The following TRAF1 variants were observed in gnomAD, a reference collection of about 807,000 sequenced individuals.
The protein encoded by TRAF1 is TNF receptor associated factor 1, also known as TNF receptor-associated factor 1.
Under a neutral mutation model 40.9 loss-of-function variants are expected in TRAF1, and 23 were observed. The ratio of observed to expected loss-of-function variants is 0.56; its 90% CI spans 0.40 to 0.80. TRAF1 has a LOEUF of 0.80. Ranked by LOEUF, TRAF1 falls within the 30% of genes least tolerant of loss-of-function variation. The pLI, the probability that TRAF1 is intolerant of heterozygous loss-of-function variation, is 0.00. For missense variants in TRAF1, 477 were observed against 528.7 expected, an observed-to-expected ratio of 0.90 and a Z score of 0.96; for synonymous variants, 206 against 218.8, an observed-to-expected ratio of 0.94 and a Z score of 0.52.
rs911835336 is a variant in TRAF1, at chr9:120,923,700, C to T, written c.228+5G>A. 4 of 1,614,042 alleles carry T rather than the reference C, an allele frequency of 2.5e-6. No homozygotes were observed. The highest frequency in any genetic ancestry group is 2.5e-6 in the Non-Finnish European group (3 of 1,179,936). The stretch of plus-strand genomic sequence containing the variant: ...CAAATGCCTTTCTGTGATGTGCCAA[C>T]GTACCTTCTCCTGAGTTCGAAGACG... On this transcript the variant is annotated splice_donor_5th_base_variant and intron_variant, in intron 3 of 7. Transcript: ENST00000373887.
chr9:120,909,233 G>C lies in TRAF1; in HGVS notation c.1029C>G (p.Asn343Lys). 1.9e-6 allele frequency: 3 copies of C among 1,613,720 alleles called. No homozygotes were observed. Among genetic ancestry groups the C allele is most frequent in the South Asian group, 2.2e-5 (2 of 91,064 alleles). ...CCCATCACCTTCACACCCATACCTT[G>C]TTCCGGAAGGGCCACGGCAGCAGCG... The part of the protein sequence containing the change: ...YDALLPWPFR[N>K]KVTFMLLDQN... Residue 343 changes from asparagine to lysine, a missense_variant, in exon 7 of 8, where the codon AAC (asparagine) becomes AAG (lysine). Asn to Lys is a moderately conservative substitution (Grantham distance 94, BLOSUM62 0). Transcript: ENST00000373887.
intron 3 of TRAF1, among the ~76,000 whole-genome samples, chr9:120,916,095 T>C (rs192026501): frequency 5.3e-5 from 8 of 152,358 alleles, no homozygotes; most frequent in African/African-American, 1.7e-4. Flanking sequence ...CAAATTGGTC[T>C]ATATATACTA....
chr9:120,906,237 T>C (rs992689144), intron 7 of TRAF1, among the ~76,000 whole-genome samples: 1 of 146,758 alleles, frequency 6.8e-6, no homozygotes, highest in South Asian at 2.1e-4. Context: ...TGGAGTGCAA[T>C]GGCACAATCT....
intron 7 of TRAF1, among the ~76,000 whole-genome samples, chr9:120,906,180 T>G (rs1367347427): frequency 9.3e-6 from 1 of 107,090 alleles, no homozygotes; most frequent in Non-Finnish European, 2.2e-5. Context: ...TGTGTTTTTT[T>G]TTTTTTTTTT....
In TRAF1 at chr9:120,925,944, C is replaced by T; in HGVS notation, c.132G>A (p.Glu44=). ...CTCCTCCATCACCTCACCTCGGGTT[C>T]TCAGAGAGACAGCCTGCACAGCAGA... ...RALCCAGCLS[E]NPRNGEDQIC... Residue 44 remains glutamate (E), a synonymous_variant, in exon 2 of 8, where the codon GAG becomes GAA. Coordinates refer to ENST00000373887, the MANE Select transcript of TRAF1 (RefSeq NM_005658.5). 1 of 1,613,992 alleles carries T rather than the reference C, an allele frequency of 6.2e-7. No individual in the cohort carries two copies.
intron 2 of TRAF1, among the ~76,000 whole-genome samples, chr9:120,924,252 A>C (rs1309505240): frequency 2.6e-5 from 4 of 152,116 alleles, no homozygotes; most frequent in Non-Finnish European, 5.9e-5. Context: ...TTGGTCCTCC[A>C]TTTGGTTTTG....
At chr9:120,920,636 G>T (rs185002547) in intron 3 of TRAF1, among the ~76,000 whole-genome samples, 1 of 152,176 alleles carries the variant, frequency 6.6e-6, no homozygotes, top group African/African-American at 2.4e-5. Flanking sequence ...GGAAGATCAC[G>T]CCAGGCAAGT....
chr9:120,920,083 A>G (rs1226830200), intron 3 of TRAF1, among the ~76,000 whole-genome samples: 1 of 152,158 alleles, frequency 6.6e-6, no homozygotes, highest in Admixed American at 6.5e-5. Flanking sequence ...TCAGAAGTGT[A>G]AGGTTTGGGG....
rs549316438 is a variant in TRAF1, at chr9:120,913,563, G to A, written c.470C>T (p.Ala157Val). 9.9e-6 allele frequency: 16 copies of A among 1,613,890 alleles called. No individual in the cohort carries two copies. The highest frequency in any genetic ancestry group is 2.2e-5 in the East Asian group (1 of 44,880). ...DLQLQAAVEV[A>V]GDLEVDCYRA... The stretch of plus-strand genomic sequence containing the variant: ...GTAGCAATCGACCTCCAGGTCCCCC[G>A]CCACTTCCACGGCTGCCTGCAGCTG... The change falls in exon 5 of 8, where the codon GCG becomes GTG. Residue 157 changes from alanine to valine, a missense_variant. Ala to Val is a moderately conservative substitution (Grantham distance 64). Coordinates refer to ENST00000373887, the MANE Select transcript of TRAF1 (RefSeq NM_005658.5).
rs117695316 is a variant in TRAF1, at chr9:120,909,660, C to T, written c.884-282G>A. 4.3e-3 allele frequency among the ~76,000 whole-genome samples: 658 copies of T among 152,288 alleles called. 4 individuals carry two copies. The highest frequency in any genetic ancestry group is 5.5e-3 in the Non-Finnish European group (375 of 68,016). On this transcript the variant is annotated intron_variant, in intron 6 of 7. Transcript: ENST00000373887. ...GGTGAGAACTGAGAGTTGGCACTTC[C>T]AGCAAGTTTGCAGGGGTTGCCAATG...
intron 3 of TRAF1, among the ~76,000 whole-genome samples, 165 bp downstream of exon 3, chr9:120,923,540 C>T (rs2046618357): frequency 6.6e-6 from 1 of 152,244 alleles, no homozygotes; most frequent in South Asian, 2.1e-4. Flanking sequence ...GACACTTCAC[C>T]ACTGTGAACA....
intron 4 of TRAF1, 102 bp from the exon 5 acceptor site, chr9:120,913,840 AC>A: frequency 7.4e-6 from 10 of 1,360,206 alleles, no homozygotes; most frequent in Non-Finnish European, 9.9e-6. Context: ...TTATTCATTC[AC>A]CCAGCAAAAA....
intron 3 of TRAF1, chr9:120,914,564 G>A (rs774369152): frequency 1.5e-5 from 17 of 1,123,684 alleles, no homozygotes; most frequent in Admixed American, 1.5e-4. Flanking sequence ...ACACAGCTCC[G>A]TAATCATCAC....
At chr9:120,919,173 G>T (rs13440146) in intron 3 of TRAF1, among the ~76,000 whole-genome samples, 9,026 of 152,306 alleles carry the variant, frequency 0.059, 343 homozygotes, top group Non-Finnish European at 0.073. Context: ...AACCCTGTCT[G>T]GTGTCACAAG....
intron 3 of TRAF1, among the ~76,000 whole-genome samples, chr9:120,919,393 G>A (rs2046590325): frequency 6.6e-6 from 1 of 152,138 alleles, no homozygotes; most frequent in South Asian, 2.1e-4. Flanking sequence ...GGGTCACAGT[G>A]GGCCCTAGCG....
Position 120,926,314 on chromosome 9 carries a change from C to A in TRAF1, c.-226-13G>T. 1 of 379,878 alleles carries A rather than the reference C, an allele frequency of 2.6e-6. No individual in the cohort carries two copies. The highest frequency in any genetic ancestry group is 4.6e-6 in the Non-Finnish European group (1 of 218,118). The allele number at this position is 379,878 out of a possible 1,614,324, so 23.5% of individuals were successfully genotyped here. On this transcript the variant is annotated splice_polypyrimidine_tract_variant and intron_variant, in intron 1 of 7. Transcript: ENST00000373887. ...TGGTGACTGAAGGCTTTAGGAGTGT[C>A]CAGTCATTTTTTTTTTTTTTTAGAG...
intron 6 of TRAF1, among the ~76,000 whole-genome samples, chr9:120,909,849 T>A (rs1398364242): frequency 6.6e-6 from 1 of 152,178 alleles, no homozygotes; most frequent in Non-Finnish European, 1.5e-5. Context: ...CCAGCAGCAG[T>A]TTCTTTCTGC....
chr9:120,917,679 G>A (rs1227003874), intron 3 of TRAF1, among the ~76,000 whole-genome samples: 1 of 152,134 alleles, frequency 6.6e-6, no homozygotes, highest in East Asian at 1.9e-4. Context: ...TCTCAGGGCT[G>A]CCTGCACTCC....
chr9:120,912,214 T>C (rs1198694252), intron 5 of TRAF1, among the ~76,000 whole-genome samples: 1 of 152,204 alleles, frequency 6.6e-6, no homozygotes, highest in African/African-American at 2.4e-5. Flanking sequence ...CAGGTGGCTC[T>C]GATCACCTGC....
Sources: gnomAD v4.1 joint callset for allele counts (sites outside exome capture counted in the v4.1 genomes callset) on GRCh38, gnomAD v4.1.1 for gene constraint, MANE v1.5 for transcripts, NCBI Gene and HGNC (gene_info 2026-07-23, HGNC 2026-07-21) for gene names.